The following GLTP variants were observed in gnomAD, a reference collection of about 807,000 sequenced individuals.
The protein encoded by GLTP is glycolipid transfer protein.
Under a neutral mutation model 24.0 loss-of-function variants are expected in GLTP, and 22 were observed. The observed-to-expected ratio is 0.92, with a 90% CI of 0.65 to 1.31. GLTP has a LOEUF of 1.31. Ranked by LOEUF, GLTP falls within the 50% of genes most tolerant of loss-of-function variation. The pLI, the probability that GLTP is intolerant of heterozygous loss-of-function variation, is 0.00. For synonymous variants in GLTP, 92 were observed against 115.9 expected, an observed-to-expected ratio of 0.79 and a Z score of 1.33; for missense variants, 224 against 276.6, an observed-to-expected ratio of 0.81 and a Z score of 1.35.
chr12:109,876,828 G>T (rs1868900428), intron 1 of GLTP, among the ~76,000 whole-genome samples: 1 of 152,164 alleles, frequency 6.6e-6, no homozygotes, highest in Non-Finnish European at 1.5e-5. Flanking sequence ...TAATGAGCAA[G>T]AAATAGGCTT....
chr12:109,877,432 T>G (rs60274872), intron 1 of GLTP, among the ~76,000 whole-genome samples: 8,466 of 152,260 alleles, frequency 0.056, 372 homozygotes, highest in African/African-American at 0.12. Flanking sequence ...CTGAGTCATA[T>G]TTATATCTAG....
intron 2 of GLTP, chr12:109,858,052 G>A (rs1327135450): frequency 1.1e-5 from 5 of 450,624 alleles, no homozygotes; most frequent in Non-Finnish European, 2.2e-5. Context: ...GTGGAAATAG[G>A]TTCCGAGGAT....
At position 109,880,150 on chromosome 12, in the gene GLTP, G is replaced by C; in HGVS notation, c.103+122C>G. The C allele has an allele frequency of 1.7e-6, 1 of 598,838 alleles. No individual in the cohort carries two copies. Among genetic ancestry groups the C allele is most frequent in the Non-Finnish European group, 3.0e-6 (1 of 333,786 alleles). The allele number at this position is 598,838 out of a possible 1,614,324, so 37.1% of individuals were successfully genotyped here. ...GTGAGTGGAGGGAAAGAGGATCTTG[G>C]GTGCCTGGGGAAACAGTACTTAGGG... On this transcript the variant is annotated intron_variant, in intron 1 of 4. Transcript: ENST00000318348. This position sits in a 1 kb window ranked among gnomAD's most constrained non-coding sequence, Gnocchi z 5.1.
intron 1 of GLTP, chr12:109,860,411 T>C (rs1892857174): frequency 4.7e-6 from 1 of 212,594 alleles, no homozygotes; most frequent in Non-Finnish European, 1.0e-5. Flanking sequence ...TCTTCAATAG[T>C]AGCATGCACC....
At chr12:109,871,343 C>A (rs1417771709) in intron 1 of GLTP, among the ~76,000 whole-genome samples, 1 of 152,084 alleles carries the variant, frequency 6.6e-6, no homozygotes, top group Non-Finnish European at 1.5e-5. Flanking sequence ...CTTCGGCCCC[C>A]CAAAGTGTTG....
intron 3 of GLTP, among the ~76,000 whole-genome samples, chr12:109,856,257 G>A (rs1223726678): frequency 4.6e-5 from 7 of 152,174 alleles, no homozygotes; most frequent in Admixed American, 3.3e-4. Context: ...AGTCTGCTAC[G>A]GTGCTCCTCT....
chr12:109,871,466 C>T (rs1276965545), intron 1 of GLTP, among the ~76,000 whole-genome samples: 2 of 152,158 alleles, frequency 1.3e-5, no homozygotes, highest in Non-Finnish European at 2.9e-5. Context: ...TCCCCTCCTC[C>T]CCTACAAGGG....
chr12:109,879,047 C>A (rs1281856191), intron 1 of GLTP, among the ~76,000 whole-genome samples: 1 of 152,222 alleles, frequency 6.6e-6, no homozygotes, highest in Admixed American at 6.5e-5. Flanking sequence ...GATCAGCATC[C>A]CCGTTTCACA....
At chr12:109,872,243 C>G (rs1210526396) in intron 1 of GLTP, among the ~76,000 whole-genome samples, 2 of 152,234 alleles carry the variant, frequency 1.3e-5, no homozygotes, top group African/African-American at 4.8e-5. Flanking sequence ...GTGCTCCTGC[C>G]TGGACTCACC....
Position 109,855,353 on chromosome 12 carries a change from C to A in GLTP, c.447+266G>T, listed in dbSNP as rs149466705. 1.2e-3 allele frequency among the ~76,000 whole-genome samples: 189 copies of A among 152,340 alleles called. 1 individual carries two copies. The highest frequency in any genetic ancestry group is 3.9e-3 in the African/African-American group (163 of 41,568). ...CTGTGGTTTCTCGTCGCCCCACCAT[C>A]AGGCCTTGCAGGCCAAGGCCCCTAA... On this transcript the variant is annotated intron_variant, in intron 4 of 4. Transcript: ENST00000318348. This position sits in a 1 kb window ranked among gnomAD's most constrained non-coding sequence, Gnocchi z 4.1.
chr12:109,859,596 CAAA>C (rs754345142), intron 1 of GLTP, among the ~76,000 whole-genome samples: 1 of 109,514 alleles, frequency 9.1e-6, no homozygotes, highest in Non-Finnish European at 2.0e-5. Flanking sequence ...CTGTTTTTAA[CAAA>C]AAAGATTTTT....
Position 109,880,095 on chromosome 12 carries a change from G to C in GLTP, c.103+177C>G, listed in dbSNP as rs985819365. ...GACATGTTTAGAGCGGAGAGGACTTGGGAGTGGTCCGGGAAAGGGAGAATT... is the reference window on the plus strand; with the variant it reads ...GACATGTTTAGAGCGGAGAGGACTTCGGAGTGGTCCGGGAAAGGGAGAATT... On this transcript the variant is annotated intron_variant, in intron 1 of 4. Coordinates refer to ENST00000318348, the MANE Select transcript of GLTP (RefSeq NM_016433.4). The surrounding 1 kb of genome is among the most constrained non-coding windows in gnomAD (Gnocchi z 5.1). Among the ~76,000 whole-genome samples the C allele has an allele frequency of 6.6e-6, 1 of 152,010 alleles. No homozygotes were observed. Among genetic ancestry groups the C allele is most frequent in the Non-Finnish European group, 1.5e-5 (1 of 67,974 alleles).
rs1004200621 is a variant in GLTP at position 109,856,015 on chromosome 12, G to A, written c.297-246C>T. 2.0e-5 allele frequency among the ~76,000 whole-genome samples: 3 copies of A among 152,160 alleles called. No homozygotes were observed. In the East Asian group the frequency reaches 5.8e-4, roughly 30 times the overall value. ...TGGCCCATGACAAGTCACACTGGCT[G>A]TAAGATCCACGAGGGGTGGGTCTGG... On this transcript the variant is annotated intron_variant, in intron 3 of 4. Transcript: ENST00000318348.
At chr12:109,856,155 A>G (rs1892792741) in intron 3 of GLTP, among the ~76,000 whole-genome samples, 1 of 152,168 alleles carries the variant, frequency 6.6e-6, no homozygotes, top group Non-Finnish European at 1.5e-5. Context: ...TTCGCGGACC[A>G]CAGACTGTGG....
intron 1 of GLTP, among the ~76,000 whole-genome samples, chr12:109,867,690 C>CT (rs1368505349): frequency 6.6e-6 from 1 of 152,064 alleles, no homozygotes; most frequent in African/African-American, 2.4e-5. Context: ...ACTAATTTCT[C>CT]TTTTTTCTTT....
intron 1 of GLTP, among the ~76,000 whole-genome samples, chr12:109,865,402 G>A (rs1208347594): frequency 6.6e-6 from 1 of 152,016 alleles, no homozygotes; most frequent in African/African-American, 2.4e-5. Context: ...CGAGGCGGGC[G>A]GATCACCTGA....
At position 109,878,397 on chromosome 12, in the gene GLTP, C is replaced by A. The variant is rs1377197365; in HGVS notation, c.103+1875G>T. Among the ~76,000 whole-genome samples, 5 of 152,252 alleles carry A rather than the reference C, an allele frequency of 3.3e-5. No homozygotes were observed. In the Middle Eastern group the frequency reaches 0.01, roughly 311 times the overall value. On this transcript the variant is annotated intron_variant, in intron 1 of 4. Transcript: ENST00000318348. ...GTGCACTGTAGGATACTGAGCAGCT[C>A]CCTGGCCTCTACTCACAAGACACCC... is the stretch of plus-strand genomic sequence containing the variant.
At position 109,880,378 on chromosome 12, in the gene GLTP, G is replaced by T. The variant is rs201843232; in HGVS notation, c.-4C>A. 1.3e-6 allele frequency: 2 copies of T among 1,576,220 alleles called. No individual in the cohort carries two copies. Among genetic ancestry groups the T allele is most frequent in the Non-Finnish European group, 1.7e-6 (2 of 1,162,280 alleles). ...AGTGTTCGGCCAGCAGCGCCATTTC[G>T]GGGTCGAGGCCCGCGGTGATGCCCC... On this transcript the variant is annotated 5_prime_UTR_variant, in exon 1 of 5. Coordinates refer to ENST00000318348, the MANE Select transcript of GLTP (RefSeq NM_016433.4). This position sits in a 1 kb window ranked among gnomAD's most constrained non-coding sequence, Gnocchi z 5.1.
At chr12:109,854,875 T>C (rs1892775769) in intron 4 of GLTP, among the ~76,000 whole-genome samples, 1 of 152,214 alleles carries the variant, frequency 6.6e-6, no homozygotes, top group Non-Finnish European at 1.5e-5. Context: ...CCCAGCCTGC[T>C]TGCAGACTGT....
Sources: allele counts gnomAD v4.1 joint callset (sites outside exome capture counted in the v4.1 genomes callset), GRCh38; gene constraint gnomAD v4.1.1; non-coding constraint Gnocchi (gnomAD v3.1); transcripts MANE v1.5; gene names NCBI Gene and HGNC (gene_info 2026-07-23, HGNC 2026-07-21).